The following CDH13 variants were observed in gnomAD, a reference collection of about 807,000 sequenced individuals.
CDH13 encodes cadherin-13.
A neutral mutation model predicts 63.8 loss-of-function variants in CDH13; 24 were observed. The ratio of observed to expected loss-of-function variants is 0.38; its 90% CI spans 0.27 to 0.53. CDH13 has a LOEUF of 0.53. Ranked by LOEUF, CDH13 falls within the 20% of genes least tolerant of loss-of-function variation. The pLI is 0.85. For synonymous variants in CDH13, 503 were observed against 355.3 expected (o/e 1.42, Z -4.67); for missense variants, 1,049 against 903.1 (o/e 1.16, Z -2.07).
chr16:83,571,227 A>G (rs1201507948), intron 7 of CDH13, among the ~76,000 whole-genome samples: 1 of 152,070 alleles, frequency 6.6e-6, no homozygotes, highest in Non-Finnish European at 1.5e-5. Context: ...TTATTTTACT[A>G]CTGAGAAAGC....
chr16:82,633,242 G>C (rs1300019797), intron 1 of CDH13, among the ~76,000 whole-genome samples: 1 of 152,182 alleles, frequency 6.6e-6, no homozygotes, highest in African/African-American at 2.4e-5. Context: ...TTCCATGAGT[G>C]TTGCTCCCTC....
At chr16:83,368,808 AG>A (rs1766770933) in intron 6 of CDH13, among the ~76,000 whole-genome samples, 1 of 148,470 alleles carries the variant, frequency 6.7e-6, no homozygotes, top group African/African-American at 2.5e-5. Flanking sequence ...TTAGAATAAC[AG>A]TCTGCAATTC....
intron 2 of CDH13, among the ~76,000 whole-genome samples, chr16:83,018,121 C>T (rs1422606288): frequency 6.6e-6 from 1 of 152,166 alleles, no homozygotes; most frequent in African/African-American, 2.4e-5. Context: ...AGTTCAAACC[C>T]CAGTTCTACA....
intron 3 of CDH13, among the ~76,000 whole-genome samples, chr16:83,120,920 C>A (rs1278110373): frequency 6.6e-6 from 1 of 151,952 alleles, no homozygotes; most frequent in Non-Finnish European, 1.5e-5. Context: ...GGTGCCACCA[C>A]ACCTAGCTAA....
intron 2 of CDH13, among the ~76,000 whole-genome samples, chr16:82,901,818 G>T (rs995269105): frequency 6.6e-6 from 1 of 152,174 alleles, no homozygotes; most frequent in Non-Finnish European, 1.5e-5. Context: ...CCCTCATGGA[G>T]CCTGAAGTCC....
intron 5 of CDH13, among the ~76,000 whole-genome samples, chr16:83,338,507 T>G (rs1014481739): frequency 1.3e-5 from 2 of 152,216 alleles, no homozygotes; most frequent in Non-Finnish European, 2.9e-5. Context: ...CCCGTCCTCA[T>G]GTGGCCAGAC....
chr16:83,590,307 C>G (rs966151742), intron 7 of CDH13, among the ~76,000 whole-genome samples: 1 of 152,194 alleles, frequency 6.6e-6, no homozygotes, highest in Non-Finnish European at 1.5e-5. Flanking sequence ...ATCATGTGCA[C>G]ACAGAGGTGG....
At chr16:83,521,188 A>C (rs2074825742) in intron 7 of CDH13, among the ~76,000 whole-genome samples, 1 of 152,238 alleles carries the variant, frequency 6.6e-6, no homozygotes, top group Non-Finnish European at 1.5e-5. Flanking sequence ...TATTGCATGT[A>C]CTGCCTTGCG....
chr16:82,731,022 A>G (rs979444233), intron 1 of CDH13, among the ~76,000 whole-genome samples: 6 of 152,282 alleles, frequency 3.9e-5, no homozygotes, highest in Admixed American at 3.9e-4. Flanking sequence ...GTATGGTGAA[A>G]TCTATATAAT....
At chr16:83,429,270 G>C (rs899596874) in intron 6 of CDH13, among the ~76,000 whole-genome samples, 1 of 152,124 alleles carries the variant, frequency 6.6e-6, no homozygotes. Context: ...TCTAAGATTG[G>C]TCCAGAGCAG....
chr16:83,397,888 G>A (rs1017033511), intron 6 of CDH13: 1 of 152,200 alleles, frequency 6.6e-6, no homozygotes, highest in Admixed American at 6.5e-5. Context: ...CCCCCAGAGA[G>A]AAAGCTATAG....
intron 4 of CDH13, among the ~76,000 whole-genome samples, chr16:83,164,581 C>G (rs372893980): frequency 1.3e-5 from 2 of 151,992 alleles, no homozygotes; most frequent in East Asian, 3.9e-4. Context: ...ATTAGCCAGG[C>G]ATGGTGGGGG....
At chr16:82,702,287 T>C (rs890153706) in intron 1 of CDH13, among the ~76,000 whole-genome samples, 1 of 131,546 alleles carries the variant, frequency 7.6e-6, no homozygotes, top group African/African-American at 2.9e-5. Flanking sequence ...TCTGTGTGAA[T>C]AATTTTCACA....
At chr16:82,949,862 G>T (rs1331689468) in intron 2 of CDH13, among the ~76,000 whole-genome samples, 1 of 152,048 alleles carries the variant, frequency 6.6e-6, no homozygotes, top group African/African-American at 2.4e-5. Context: ...ATAAAAGCCA[G>T]GATCCTGAGT....
rs1234581560 is a variant in CDH13, at chr16:83,651,343, C to G, written c.1102-19447C>G. 2.0e-5 allele frequency among the ~76,000 whole-genome samples: 3 copies of G among 152,110 alleles called. No homozygotes were observed. In the South Asian group the frequency reaches 6.2e-4, roughly 32 times the overall value. On this transcript the variant is annotated intron_variant, in intron 8 of 13. Coordinates refer to ENST00000567109, the MANE Select transcript of CDH13 (RefSeq NM_001257.5). Reference sequence around the variant, plus strand: ...TTTATGTATTTTATTTATCCATTTTCATTATAACAATGTGCATTTTATTGC... The same window carrying G: ...TTTATGTATTTTATTTATCCATTTTGATTATAACAATGTGCATTTTATTGC...
intron 11 of CDH13, among the ~76,000 whole-genome samples, chr16:83,755,180 T>G (rs1913403635): frequency 6.6e-6 from 1 of 152,132 alleles, no homozygotes; most frequent in Non-Finnish European, 1.5e-5. Flanking sequence ...ATTCCAGAAC[T>G]GAAATACATA....
chr16:83,739,309 C>A (rs940076164), intron 10 of CDH13, among the ~76,000 whole-genome samples: 1 of 152,098 alleles, frequency 6.6e-6, no homozygotes, highest in Non-Finnish European at 1.5e-5. Flanking sequence ...TGATGGAGAA[C>A]ATTTCACATA....
intron 4 of CDH13, among the ~76,000 whole-genome samples, chr16:83,178,610 TTG>T (rs570300779): frequency 5.0e-4 from 76 of 152,346 alleles, no homozygotes; most frequent in African/African-American, 1.7e-3. Flanking sequence ...AATGATCACT[TTG>T]TGAATTCTGT....
chr16:83,215,489 A>G (rs538807045), intron 4 of CDH13, among the ~76,000 whole-genome samples: 1 of 80,942 alleles, frequency 1.2e-5, no homozygotes, highest in African/African-American at 3.6e-5. Flanking sequence ...AATAAACAAC[A>G]TTTTTTAATC....
Sources: allele counts gnomAD v4.1 joint callset (sites outside exome capture counted in the v4.1 genomes callset), GRCh38; gene constraint gnomAD v4.1.1; transcripts MANE v1.5; gene names NCBI Gene and HGNC (gene_info 2026-07-23, HGNC 2026-07-21).